The following PARD3B variants were observed in gnomAD, a reference collection of about 807,000 sequenced individuals.
The protein encoded by PARD3B is par-3 family cell polarity regulator beta.
In PARD3B, 103 loss-of-function variants were observed where a neutral mutation model predicts 130.2. The observed-to-expected ratio is 0.79, with a 90% CI of 0.67 to 0.93. The LOEUF (loss-of-function observed/expected upper bound fraction) is 0.93, where lower values mean the gene tolerates loss of function less well. Among genes scored for constraint, PARD3B ranks in the 40% least tolerant of loss-of-function variants. The pLI is 0.00. For synonymous variants in PARD3B, 583 were observed against 553.2 expected (o/e 1.05, Z -0.76); for missense variants, 1,609 against 1,499.2 (o/e 1.07, Z -1.21).
intron 22 of PARD3B, among the ~76,000 whole-genome samples, chr2:205,581,340 C>CGT (rs920686340): frequency 1.4e-5 from 2 of 144,520 alleles, no homozygotes. Context: ...CTGTCATATA[C>CGT]GTGTGTGTGT....
At chr2:204,779,212 TC>T (rs1239257215) in intron 2 of PARD3B, among the ~76,000 whole-genome samples, 4 of 152,176 alleles carry the variant, frequency 2.6e-5, no homozygotes, top group African/African-American at 7.2e-5. Context: ...CCCATTTTCT[TC>T]CATACTTTAC....
intron 11 of PARD3B, among the ~76,000 whole-genome samples, chr2:205,161,529 A>G (rs2034505554): frequency 1.3e-5 from 2 of 152,104 alleles, no homozygotes; most frequent in Non-Finnish European, 2.9e-5. Context: ...AAAAAAAAGT[A>G]TTTTTCCATT....
intron 19 of PARD3B, among the ~76,000 whole-genome samples, chr2:205,425,100 T>A (rs917906096): frequency 6.8e-4 from 103 of 152,296 alleles, no homozygotes; most frequent in Middle Eastern, 6.8e-3. Flanking sequence ...GGGAACATCA[T>A]TTAATGTCTT....
At chr2:205,469,874 A>G (rs972431440) in intron 20 of PARD3B, among the ~76,000 whole-genome samples, 1 of 152,256 alleles carries the variant, frequency 6.6e-6, no homozygotes, top group African/African-American at 2.4e-5. Flanking sequence ...GCCATTGTCT[A>G]TAATTTCTCA....
intron 2 of PARD3B, among the ~76,000 whole-genome samples, chr2:204,820,249 A>G (rs1212261043): frequency 6.6e-6 from 1 of 151,308 alleles, no homozygotes; most frequent in Non-Finnish European, 1.5e-5. Flanking sequence ...TTAATTTTAT[A>G]TGTTTTTAGT....
intron 15 of PARD3B, among the ~76,000 whole-genome samples, chr2:205,218,812 G>T (rs1222603235): frequency 6.6e-6 from 1 of 152,104 alleles, no homozygotes; most frequent in African/African-American, 2.4e-5. Context: ...GGGCATGGTG[G>T]CTCATGGCTG....
intron 2 of PARD3B, among the ~76,000 whole-genome samples, chr2:204,783,385 C>T (rs188699704): frequency 3.3e-4 from 50 of 152,114 alleles, no homozygotes; most frequent in Middle Eastern, 3.4e-3. Context: ...TCTTTAAAGT[C>T]GGTTCTTTTC....
chr2:205,497,765 G>T (rs1363515936), intron 20 of PARD3B, among the ~76,000 whole-genome samples: 1 of 151,984 alleles, frequency 6.6e-6, no homozygotes, highest in Non-Finnish European at 1.5e-5. Flanking sequence ...CTACAGTAGT[G>T]ATCCTCACAT....
At chr2:205,319,570 C>T (rs550994828) in intron 18 of PARD3B, among the ~76,000 whole-genome samples, 1 of 152,238 alleles carries the variant, frequency 6.6e-6, no homozygotes, top group Non-Finnish European at 1.5e-5. Context: ...GCTGACCTCT[C>T]TAAGTCAGCC....
intron 2 of PARD3B, among the ~76,000 whole-genome samples, chr2:204,891,676 CTT>C (rs2046451624): frequency 6.6e-6 from 1 of 152,160 alleles, no homozygotes; most frequent in African/African-American, 2.4e-5. Flanking sequence ...TCTCTGAACT[CTT>C]GTCTCTTCCC....
At chr2:205,554,830 C>T (rs886656906) in intron 22 of PARD3B, among the ~76,000 whole-genome samples, 2 of 152,016 alleles carry the variant, frequency 1.3e-5, no homozygotes, top group Non-Finnish European at 2.9e-5. Flanking sequence ...GATGATATAA[C>T]GTGTATGGGA....
chr2:205,203,382 T>A (rs999939933), intron 15 of PARD3B, among the ~76,000 whole-genome samples: 3 of 152,140 alleles, frequency 2.0e-5, no homozygotes, highest in African/African-American at 4.8e-5. Flanking sequence ...CTAAGCCTTT[T>A]TTTTTTCACT....
Position 205,158,909 on chromosome 2 carries a change from T to G in PARD3B, c.1620+2T>G, listed in dbSNP as rs2125713480. The G allele has an allele frequency of 6.2e-7, 1 of 1,613,222 alleles. No individual in the cohort carries two copies. Among genetic ancestry groups the G allele is most frequent in the South Asian group, 1.1e-5 (1 of 91,012 alleles). Reference sequence around the variant, plus strand: ...ATTCATGGAGGCGCTGCTTTTAAGGTGGGTAGGAATGACATTTGTACATCC... The same window carrying G: ...ATTCATGGAGGCGCTGCTTTTAAGGGGGGTAGGAATGACATTTGTACATCC... On this transcript the variant is annotated splice_donor_variant, in intron 11 of 22. Coordinates refer to ENST00000406610, the MANE Select transcript of PARD3B (RefSeq NM_001302769.2). LOFTEE classifies it high-confidence loss of function. The surrounding 1 kb of genome is among the most constrained non-coding windows in gnomAD (Gnocchi z 5.4).
At chr2:205,546,284 G>A (rs1201039636) in intron 21 of PARD3B, among the ~76,000 whole-genome samples, 2 of 152,110 alleles carry the variant, frequency 1.3e-5, no homozygotes, top group Admixed American at 1.3e-4. Flanking sequence ...GTAAAGGAAA[G>A]ATAAATATGC....
chr2:205,380,118 A>AATATGTTAT, intron 18 of PARD3B, among the ~76,000 whole-genome samples: 1 of 78,574 alleles, frequency 1.3e-5, no homozygotes, highest in East Asian at 4.0e-4. Context: ...TATTATACAT[A>AATATGTTAT]ATATATTATA....
chr2:204,828,155 G>A (rs1032930062), intron 2 of PARD3B, among the ~76,000 whole-genome samples: 7 of 152,174 alleles, frequency 4.6e-5, no homozygotes, highest in African/African-American at 1.7e-4. Context: ...TGGGAGCCAT[G>A]CCTTATTTCT....
At chr2:205,499,834 C>A in intron 20 of PARD3B, 62 bp from the exon 21 acceptor site, 2 of 1,473,274 alleles carry the variant, frequency 1.4e-6, no homozygotes, top group Non-Finnish European at 1.8e-6. Context: ...CAAGAAGATC[C>A]AAAAGTGATT....
rs1243621468 is a variant in PARD3B at position 205,309,181 on chromosome 2, G to C, written c.2630+7480G>C. 6.6e-6 allele frequency among the ~76,000 whole-genome samples: 1 copy of C among 152,146 alleles called. No homozygotes were observed. The highest frequency in any genetic ancestry group is 2.4e-5 in the African/African-American group (1 of 41,428). On this transcript the variant is annotated intron_variant, in intron 18 of 22. Transcript: ENST00000406610. This position sits in a 1 kb window ranked among gnomAD's most constrained non-coding sequence, Gnocchi z 4.7. ...GTCTGTTTTAGTACACAAAACCCTA[G>C]GATACCTGCAGTACACATTCTAAGA...
intron 4 of PARD3B, among the ~76,000 whole-genome samples, chr2:205,052,452 A>ATATATATAT (rs1443249681): frequency 0.031 from 645 of 20,488 alleles, 13 homozygotes; most frequent in African/African-American, 0.046. Flanking sequence ...TATATATATA[A>ATATATATAT]AATTAAAAAA....
Sources: allele counts gnomAD v4.1 joint callset (sites outside exome capture counted in the v4.1 genomes callset), GRCh38; gene constraint gnomAD v4.1.1; non-coding constraint Gnocchi (gnomAD v3.1); transcripts MANE v1.5; gene names NCBI Gene and HGNC (gene_info 2026-07-23, HGNC 2026-07-21).